Variants in ENTREP2 observed in about 807,000 individuals in gnomAD.
ENTREP2 encodes the protein endosomal transmembrane epsin interactor 2.
the ENTREP2 span, among the ~76,000 whole-genome samples, chr15:29,641,455 T>G: frequency 6.6e-6 from 1 of 152,034 alleles, no homozygotes; most frequent in Admixed American, 6.6e-5. Flanking sequence ...AATAAATGAG[T>G]TCAGCCAAGT....
chr15:29,646,352 T>C, the ENTREP2 span, among the ~76,000 whole-genome samples: 1 of 152,162 alleles, frequency 6.6e-6, no homozygotes, highest in African/African-American at 2.4e-5. Flanking sequence ...GAATAACCCA[T>C]TTCGTGCTTA....
the ENTREP2 span, among the ~76,000 whole-genome samples, chr15:29,478,481 AT>A: frequency 5.3e-5 from 8 of 152,240 alleles, no homozygotes; most frequent in Non-Finnish European, 1.0e-4. Context: ...CCCCGCCCAG[AT>A]TTCATGTTGA....
the ENTREP2 span, among the ~76,000 whole-genome samples, chr15:29,540,071 C>T: frequency 3.5e-4 from 54 of 152,274 alleles, no homozygotes; most frequent in African/African-American, 1.3e-3. Flanking sequence ...ATATCACAGC[C>T]CATTGCCTCC....
chr15:29,455,114 A>T, the ENTREP2 span, among the ~76,000 whole-genome samples: 1 of 152,134 alleles, frequency 6.6e-6, no homozygotes, highest in South Asian at 2.1e-4. Flanking sequence ...ACAACTCCTG[A>T]AACTCTGCTG....
chr15:29,414,257 C>T, the ENTREP2 span, among the ~76,000 whole-genome samples: 19 of 152,274 alleles, frequency 1.2e-4, no homozygotes, highest in East Asian at 3.7e-3. Context: ...AAGTAAAGCA[C>T]TCCTCAGCAA....
chr15:29,601,149 G>A, the ENTREP2 span, among the ~76,000 whole-genome samples: 143 of 151,780 alleles, frequency 9.4e-4, no homozygotes, highest in Admixed American at 3.3e-3. Flanking sequence ...CGCCTGCCTC[G>A]GCCTCCCAAA....
the ENTREP2 span, among the ~76,000 whole-genome samples, chr15:29,357,380 A>C: frequency 1.3e-5 from 2 of 152,192 alleles, no homozygotes; most frequent in Non-Finnish European, 2.9e-5. Flanking sequence ...ATGACATGGT[A>C]AGTCAAAGCC....
the ENTREP2 span, among the ~76,000 whole-genome samples, chr15:29,489,543 C>A: frequency 6.6e-5 from 10 of 152,196 alleles, no homozygotes; most frequent in African/African-American, 2.4e-4. Flanking sequence ...AGTCCAAAAA[C>A]TATTTTAATT....
At chr15:29,140,454 A>T in the ENTREP2 span, among the ~76,000 whole-genome samples, 2 of 152,200 alleles carry the variant, frequency 1.3e-5, no homozygotes, top group East Asian at 3.9e-4. Flanking sequence ...TTTTTAAATC[A>T]ATCTGATGAG....
At chr15:29,625,487 C>T in the ENTREP2 span, among the ~76,000 whole-genome samples, 2 of 152,130 alleles carry the variant, frequency 1.3e-5, no homozygotes, top group African/African-American at 4.8e-5. Context: ...CCTCCGCCTC[C>T]CAGGCTCAAG....
chr15:29,328,065 T>A, the ENTREP2 span, among the ~76,000 whole-genome samples: 1 of 152,204 alleles, frequency 6.6e-6, no homozygotes, highest in East Asian at 1.9e-4. Flanking sequence ...ATAAACAAAC[T>A]GTGGTACATC....
At chr15:29,635,210 C>T in the ENTREP2 span, among the ~76,000 whole-genome samples, 13 of 152,248 alleles carry the variant, frequency 8.5e-5, no homozygotes, top group Admixed American at 3.9e-4. Context: ...AACTCAACCT[C>T]CACGTTGGGG....
At chr15:29,348,487 G>GA in the ENTREP2 span, among the ~76,000 whole-genome samples, 1 of 152,206 alleles carries the variant, frequency 6.6e-6, no homozygotes, top group African/African-American at 2.4e-5. Flanking sequence ...CTGGAGAGGA[G>GA]AATCCAGGAA....
At chr15:29,522,893 G>A in the ENTREP2 span, among the ~76,000 whole-genome samples, 4,905 of 152,182 alleles carry the variant, frequency 0.032, 227 homozygotes, top group African/African-American at 0.11. Context: ...TAGAGGTGGT[G>A]GTTAACAAAA....
At chr15:29,456,105 C>T in the ENTREP2 span, among the ~76,000 whole-genome samples, 1 of 152,158 alleles carries the variant, frequency 6.6e-6, no homozygotes. Flanking sequence ...TCCCCACCCC[C>T]TCCCTGTCCA....
the ENTREP2 span, among the ~76,000 whole-genome samples, chr15:29,168,780 A>G: frequency 6.6e-6 from 1 of 152,182 alleles, no homozygotes; most frequent in African/African-American, 2.4e-5. Context: ...ATTGCTCCCC[A>G]CATGGTGCCT....
At chr15:29,233,319 A>G in the ENTREP2 span, among the ~76,000 whole-genome samples, 2 of 152,256 alleles carry the variant, frequency 1.3e-5, no homozygotes, top group Non-Finnish European at 2.9e-5. Flanking sequence ...GATACAGAAT[A>G]TTACTGTGTT....
chr15:29,487,396 C>T, the ENTREP2 span, among the ~76,000 whole-genome samples: 1 of 152,166 alleles, frequency 6.6e-6, no homozygotes, highest in Non-Finnish European at 1.5e-5. Flanking sequence ...AGGAGGACTC[C>T]ACCACAGAGC....
chr15:29,252,434 A>G, the ENTREP2 span: 4 of 1,551,312 alleles, frequency 2.6e-6, no homozygotes, highest in Non-Finnish European at 3.5e-6. Flanking sequence ...AACCAGCCAA[A>G]TTCAGCATTA....
Sources: gnomAD v4.1 joint callset for allele counts (sites outside exome capture counted in the v4.1 genomes callset) on GRCh38, gnomAD v4.1.1 for gene constraint, MANE v1.5 for transcripts, NCBI Gene and HGNC (gene_info 2026-07-23, HGNC 2026-07-21) for gene names.